CYYR1: variants seen among roughly 807,000 people sequenced by gnomAD.
CYYR1 encodes cysteine and tyrosine rich 1.
CYYR1 carries 14 observed loss-of-function variants against 15.2 expected under a neutral mutation model. The ratio of observed to expected loss-of-function variants is 0.92; its 90% CI spans 0.61 to 1.44. The LOEUF is 1.44. Ranked by LOEUF, CYYR1 falls within the 40% of genes most tolerant of loss-of-function variation. The pLI is 0.00. For missense variants in CYYR1, 228 were observed against 209.5 expected, an observed-to-expected ratio of 1.09 and a Z score of -0.54; for synonymous variants, 80 against 77.4, an observed-to-expected ratio of 1.03 and a Z score of -0.18.
At chr21:26,490,308 T>TA (rs892315553) in intron 2 of CYYR1, among the ~76,000 whole-genome samples, 11 of 151,382 alleles carry the variant, frequency 7.3e-5, no homozygotes, top group South Asian at 2.1e-4. Context: ...TCAAAAAATT[T>TA]AAAAAAAATA....
At position 26,482,045 on chromosome 21, in the gene CYYR1, C is replaced by T. The variant is rs560269353; in HGVS notation, c.177-1616G>A. Among the ~76,000 whole-genome samples the T allele has an allele frequency of 2.0e-4, 31 of 152,052 alleles. No individual in the cohort carries two copies. In the South Asian group the frequency reaches 2.1e-3, roughly 10 times the overall value. Reference sequence around the variant, plus strand: ...GTTATTTTTTCTAATACCCTCTCTCCTATTTCTCAATATTATTATTACATT... The same window carrying T: ...GTTATTTTTTCTAATACCCTCTCTCTTATTTCTCAATATTATTATTACATT... On this transcript the variant is annotated intron_variant, in intron 2 of 3. Coordinates refer to ENST00000652641, the MANE Select transcript of CYYR1 (RefSeq NM_001320768.2).
chr21:26,544,452 C>G (rs1032483351), intron 2 of CYYR1, among the ~76,000 whole-genome samples: 1 of 152,156 alleles, frequency 6.6e-6, no homozygotes, highest in Non-Finnish European at 1.5e-5. Context: ...AATCAGTCAC[C>G]TGAATCCCAA....
At chr21:26,493,972 A>G (rs924411078) in intron 2 of CYYR1, among the ~76,000 whole-genome samples, 1 of 152,202 alleles carries the variant, frequency 6.6e-6, no homozygotes, top group Non-Finnish European at 1.5e-5. Context: ...CTCTGAAACT[A>G]ATGTTCTTAA....
At chr21:26,476,917 T>C (rs1363622010) in intron 3 of CYYR1, among the ~76,000 whole-genome samples, 1 of 152,152 alleles carries the variant, frequency 6.6e-6, no homozygotes, top group Non-Finnish European at 1.5e-5. Flanking sequence ...AATTCTTGCC[T>C]TCATGTGGAC....
intron 2 of CYYR1, among the ~76,000 whole-genome samples, chr21:26,490,776 G>A (rs145767815): frequency 4.6e-5 from 7 of 152,240 alleles, no homozygotes; most frequent in African/African-American, 7.2e-5. Context: ...TTTCCACCAC[G>A]GAGCTGAGTA....
At chr21:26,528,421 G>A (rs1277404221) in intron 2 of CYYR1, among the ~76,000 whole-genome samples, 1 of 152,106 alleles carries the variant, frequency 6.6e-6, no homozygotes, top group Non-Finnish European at 1.5e-5. Context: ...TGCTCTGGTA[G>A]TTCAAGCAAG....
At chr21:26,479,456 G>A (rs2065144279) in intron 3 of CYYR1, among the ~76,000 whole-genome samples, 1 of 152,120 alleles carries the variant, frequency 6.6e-6, no homozygotes. Context: ...TCCTAAGAGT[G>A]TGTTAAATTT....
At chr21:26,537,814 G>A (rs1193331949) in intron 2 of CYYR1, among the ~76,000 whole-genome samples, 2 of 152,072 alleles carry the variant, frequency 1.3e-5, no homozygotes, top group Non-Finnish European at 1.5e-5. Flanking sequence ...GGTCTGTTGG[G>A]AGATGATTAG....
chr21:26,480,239 T>A lies in CYYR1; in HGVS notation c.334+33A>T, dbSNP rs1412302865. ...TGAGGAGCAGAGGATAACTAGCAAA[T>A]CTGAGCCTTCGAGAGTCAACAGTTT... On this transcript the variant is annotated intron_variant, in intron 3 of 3. Coordinates refer to ENST00000652641, the MANE Select transcript of CYYR1 (RefSeq NM_001320768.2). The A allele has an allele frequency of 1.9e-6, 3 of 1,576,056 alleles. No individual in the cohort carries two copies. In the African/African-American group the frequency reaches 4.1e-5, roughly 21 times the overall value.
chr21:26,515,917 T>G (rs2123536609), intron 2 of CYYR1, among the ~76,000 whole-genome samples: 1 of 152,322 alleles, frequency 6.6e-6, no homozygotes, highest in Admixed American at 6.5e-5. Context: ...CCTCCCCACC[T>G]TTTTTGACTT....
At chr21:26,569,800 C>G (rs1294810564) in intron 1 of CYYR1, among the ~76,000 whole-genome samples, 1 of 152,118 alleles carries the variant, frequency 6.6e-6, no homozygotes, top group Non-Finnish European at 1.5e-5. Context: ...CCGGTGACTA[C>G]TTTTATAAAG....
chr21:26,564,965 A>T, intron 2 of CYYR1: 1 of 322,574 alleles, frequency 3.1e-6, no homozygotes, highest in Non-Finnish European at 4.6e-6. Flanking sequence ...TACTGTAAAA[A>T]ATCATCCTGA....
In CYYR1 at chr21:26,566,376, A is replaced by G; in HGVS notation, c.74-8T>C. 6.2e-7 allele frequency: 1 copy of G among 1,602,474 alleles called. No homozygotes were observed. Among genetic ancestry groups the G allele is most frequent in the Non-Finnish European group, 8.5e-7 (1 of 1,170,084 alleles). On this transcript the variant is annotated splice_region_variant and splice_polypyrimidine_tract_variant and intron_variant, in intron 1 of 3. Coordinates refer to ENST00000652641, the MANE Select transcript of CYYR1 (RefSeq NM_001320768.2). ...ACTGAGCAAGGCAATCATCTACAAAACAAAAACCACTTGTGAGCAGTTATA... is the reference window on the plus strand; with the variant it reads ...ACTGAGCAAGGCAATCATCTACAAAGCAAAAACCACTTGTGAGCAGTTATA...
intron 2 of CYYR1, among the ~76,000 whole-genome samples, chr21:26,548,431 C>T (rs1156275503): frequency 6.6e-6 from 1 of 152,348 alleles, no homozygotes; most frequent in East Asian, 1.9e-4. Flanking sequence ...ATTACAGCCT[C>T]GAACTCCTGG....
chr21:26,508,613 G>A (rs939831456), intron 2 of CYYR1, among the ~76,000 whole-genome samples: 7 of 152,142 alleles, frequency 4.6e-5, no homozygotes, highest in East Asian at 3.8e-4. Context: ...AGATGCTGTC[G>A]TTTGGGTACT....
intron 2 of CYYR1, among the ~76,000 whole-genome samples, chr21:26,525,273 T>C (rs2123578131): frequency 6.6e-6 from 1 of 152,342 alleles, no homozygotes; most frequent in Non-Finnish European, 1.5e-5. Context: ...CCTTTATGTC[T>C]TTAAGAATAT....
chr21:26,551,053 C>A (rs911116827), intron 2 of CYYR1: 2 of 152,638 alleles, frequency 1.3e-5, no homozygotes, highest in African/African-American at 4.8e-5. Flanking sequence ...GCTCACTGCA[C>A]ATTCTGAAAA....
At chr21:26,472,865 A>G (rs1293831618) in intron 3 of CYYR1, among the ~76,000 whole-genome samples, 2 of 152,138 alleles carry the variant, frequency 1.3e-5, no homozygotes, top group Non-Finnish European at 2.9e-5. Context: ...TAGTTGATAC[A>G]TAACTATCCT....
chr21:26,505,340 G>T (rs1171145045), intron 2 of CYYR1, among the ~76,000 whole-genome samples: 1 of 152,212 alleles, frequency 6.6e-6, no homozygotes, highest in Admixed American at 6.5e-5. Flanking sequence ...AAGTTGCAAA[G>T]AAAGATGTGC....
Sources: allele counts gnomAD v4.1 joint callset (sites outside exome capture counted in the v4.1 genomes callset), GRCh38; gene constraint gnomAD v4.1.1; transcripts MANE v1.5; gene names NCBI Gene and HGNC (gene_info 2026-07-23, HGNC 2026-07-21).